ITGA5: variants seen among roughly 807,000 people sequenced by gnomAD.
ITGA5 encodes integrin subunit alpha 5.
ITGA5 carries 55 observed loss-of-function variants against 146.3 expected under a neutral mutation model. That is an observed-to-expected ratio of 0.38 (90% confidence interval 0.30 to 0.47). ITGA5 has a LOEUF of 0.47. Among genes scored for constraint, ITGA5 ranks in the 20% least tolerant of loss-of-function variants. The pLI is 0.99. For missense variants in ITGA5, 1,131 were observed against 1,329.0 expected (o/e 0.85, Z 2.32); for synonymous variants, 500 against 531.8 (o/e 0.94, Z 0.82).
chr12:54,405,094 T>C (rs1271813517), intron 12 of ITGA5, 72 bp downstream of exon 12: 3 of 1,384,178 alleles, frequency 2.2e-6, no homozygotes, highest in Non-Finnish European at 3.0e-6. Flanking sequence ...AGCTGACAGA[T>C]GCCCTCTCCC....
At chr12:54,396,842 C>T (rs1408771543) in intron 29 of ITGA5, among the ~76,000 whole-genome samples, 2 of 152,004 alleles carry the variant, frequency 1.3e-5, no homozygotes. Flanking sequence ...CACCACCAAA[C>T]CTGGCTAATC....
Position 54,399,928 on chromosome 12 carries a change from A to T in ITGA5, c.2663T>A (p.Leu888Gln). ...AGCTTCCCGTTTTTGCTGGTGGTGCAGGGAACCCTCGGGATCCAACTATAA... is the reference window on the plus strand; with the variant it reads ...AGCTTCCCGTTTTTGCTGGTGGTGCTGGGAACCCTCGGGATCCAACTATAA... ...KGLELDPEGSLHHQQKREAPS... is the reference protein window; with the variant it reads ...KGLELDPEGSQHHQQKREAPS... Residue 888 changes from leucine to glutamine, a missense_variant, in exon 26 of 30, where the codon CTG (leucine) becomes CAG (glutamine). By Grantham distance (113) the Leu-to-Gln change is moderately radical. Coordinates refer to ENST00000293379, the MANE Select transcript of ITGA5 (RefSeq NM_002205.5). The T allele has an allele frequency of 6.2e-7, 1 of 1,614,074 alleles. No individual in the cohort carries two copies. Among genetic ancestry groups the T allele is most frequent in the Non-Finnish European group, 8.5e-7 (1 of 1,179,926 alleles).
At chr12:54,397,758 G>C (rs1261025532) in intron 28 of ITGA5, among the ~76,000 whole-genome samples, 1 of 152,200 alleles carries the variant, frequency 6.6e-6, no homozygotes, top group Non-Finnish European at 1.5e-5. Context: ...TCCTGGATCT[G>C]CCTGGATTAG....
intron 9 of ITGA5, 28 bp downstream of exon 9, chr12:54,407,621 G>C (rs751799369): frequency 3.0e-5 from 48 of 1,594,640 alleles, no homozygotes; most frequent in Non-Finnish European, 4.0e-5. Context: ...GGGGAGGAGA[G>C]GAAGTGAGGG....
chr12:54,399,488 G>C (rs1955759327), intron 27 of ITGA5, among the ~76,000 whole-genome samples, 157 bp downstream of exon 27: 1 of 152,150 alleles, frequency 6.6e-6, no homozygotes, highest in African/African-American at 2.4e-5. Context: ...ATGGCGCCAA[G>C]GACATACAGC....
intron 2 of ITGA5, among the ~76,000 whole-genome samples, chr12:54,410,913 G>A (rs1458855136): frequency 6.6e-6 from 1 of 152,146 alleles, no homozygotes; most frequent in Non-Finnish European, 1.5e-5. Flanking sequence ...TTTCAGTAGA[G>A]ACGGGGTTTT....
Position 54,404,200 on chromosome 12 carries a change from C to A in ITGA5, c.1510G>T (p.Ala504Ser). The A allele has an allele frequency of 6.2e-7, 1 of 1,602,058 alleles. No homozygotes were observed. Among genetic ancestry groups the A allele is most frequent in the Non-Finnish European group, 8.5e-7 (1 of 1,174,006 alleles). ...CTCCGCTCCTCTGGGTTGAACATGG[C>A]GGGGAAGATGGTGAGGGAGGCACTA... ...SASASLTIFP[A>S]MFNPEERSCS... The change falls in exon 15 of 30, where the codon GCC (alanine) becomes TCC (serine). Residue 504 changes from alanine to serine, a missense_variant. By Grantham distance (99) the Ala-to-Ser change is moderately conservative. This residue lies in a region of ITGA5 where 889 missense variants were observed against 1,021.5 expected (regional missense o/e 0.87). Coordinates refer to ENST00000293379, the MANE Select transcript of ITGA5 (RefSeq NM_002205.5).
chr12:54,396,216 C>G lies in ITGA5; in HGVS notation c.*77G>C, dbSNP rs1955707492. On this transcript the variant is annotated 3_prime_UTR_variant, in exon 30 of 30. Coordinates refer to ENST00000293379, the MANE Select transcript of ITGA5 (RefSeq NM_002205.5). ...TGGCCGTCAGCACCTTCAAGAAGTA[C>G]CCAGACCCCTCCTTTTCAGTAGAAT... 1.6e-6 allele frequency: 2 copies of G among 1,224,546 alleles called. No individual in the cohort carries two copies. The highest frequency in any genetic ancestry group is 2.4e-6 in the Non-Finnish European group (2 of 832,242). 75.9% of individuals were successfully genotyped at this position (1,224,546 alleles called of 1,614,324 possible).
chr12:54,404,641 A>G (rs1471154793), intron 13 of ITGA5, 62 bp downstream of exon 13: 1 of 1,521,570 alleles, frequency 6.6e-7, no homozygotes, highest in Non-Finnish European at 9.1e-7. Flanking sequence ...GGTGCAGAAG[A>G]GAGAGTAGGG....
intron 1 of ITGA5, among the ~76,000 whole-genome samples, chr12:54,417,776 G>T (rs1479273572): frequency 6.6e-6 from 1 of 152,126 alleles, no homozygotes; most frequent in African/African-American, 2.4e-5. Context: ...AGATGTAGAA[G>T]AAAAAGGATT....
chr12:54,404,796 C>T lies in ITGA5; in HGVS notation c.1324G>A (p.Val442Ile). Residue 442 changes from valine to isoleucine, a missense_variant, in exon 13 of 30, where the codon GTT (valine) becomes ATT (isoleucine). Physicochemically the swap from Val to Ile is conservative, Grantham distance 29. Transcript: ENST00000293379. ...CTGGCTGCCCACAGGGGCTGCAGAACCTGGGAAGGCTTAGAGCCCAGCCCT... is the reference window on the plus strand; with the variant it reads ...CTGGCTGCCCACAGGGGCTGCAGAATCTGGGAAGGCTTAGAGCCCAGCCCT... ...PGGLGSKPSQ[V>I]LQPLWAASHT... The T allele has an allele frequency of 6.2e-7, 1 of 1,614,024 alleles. No individual in the cohort carries two copies. Among genetic ancestry groups the T allele is most frequent in the Non-Finnish European group, 8.5e-7 (1 of 1,179,958 alleles).
chr12:54,404,215 G>T lies in ITGA5; in HGVS notation c.1495C>A (p.Leu499Ile). The T allele has an allele frequency of 6.2e-7, 1 of 1,602,346 alleles. No individual in the cohort carries two copies. The highest frequency in any genetic ancestry group is 1.7e-5 in the Admixed American group (1 of 58,994). ...GRPIVSASAS[L>I]TIFPAMFNPE... ...TTGAACATGGCGGGGAAGATGGTGA[G>T]GGAGGCACTAGCGGACACGATGGGG... The change falls in exon 15 of 30, where the codon CTC (leucine) becomes ATC (isoleucine). Residue 499 changes from leucine to isoleucine, a missense_variant. Leu to Ile is a conservative substitution (Grantham distance 5). Transcript: ENST00000293379.
intron 25 of ITGA5, 82 bp downstream of exon 25, chr12:54,400,764 G>GC (rs1267847941): frequency 7.8e-6 from 11 of 1,405,816 alleles, no homozygotes; most frequent in Non-Finnish European, 9.8e-6. Flanking sequence ...CCTCTTGCAG[G>GC]CCCCCAGCAA....
At chr12:54,414,070 C>T (rs1226721694) in intron 1 of ITGA5, among the ~76,000 whole-genome samples, 1 of 152,166 alleles carries the variant, frequency 6.6e-6, no homozygotes, top group Non-Finnish European at 1.5e-5. Flanking sequence ...TCCGGCTGTG[C>T]GATGGTTCAG....
chr12:54,398,199 C>T (rs1465483890), intron 28 of ITGA5, among the ~76,000 whole-genome samples: 1 of 152,144 alleles, frequency 6.6e-6, no homozygotes, highest in East Asian at 1.9e-4. Flanking sequence ...CGCTCAGCCT[C>T]ATATCTGTTA....
At chr12:54,418,840 G>T in intron 1 of ITGA5, 141 bp downstream of exon 1, 3 of 1,035,456 alleles carry the variant, frequency 2.9e-6, no homozygotes, top group Non-Finnish European at 4.1e-6. Context: ...CCCAACTCTA[G>T]CCAGGGCCCC....
intron 19 of ITGA5, among the ~76,000 whole-genome samples, chr12:54,402,558 C>T (rs994176059): frequency 1.3e-5 from 2 of 151,774 alleles, no homozygotes; most frequent in Admixed American, 6.6e-5. Flanking sequence ...AAAATTAGCC[C>T]GGCATGGTGG....
At chr12:54,408,838 C>T in intron 5 of ITGA5, 37 bp from the exon 6 acceptor site, 1 of 1,613,554 alleles carries the variant, frequency 6.2e-7, no homozygotes, top group South Asian at 1.1e-5. Context: ...CATCTGGTCC[C>T]AATCCCCCCA....
chr12:54,396,970 G>A (rs984954534), intron 29 of ITGA5, among the ~76,000 whole-genome samples: 1 of 152,260 alleles, frequency 6.6e-6, no homozygotes, highest in Non-Finnish European at 1.5e-5. Context: ...ACAGGTGTGA[G>A]CCACCACACC....
Sources: gnomAD v4.1 joint callset for allele counts (sites outside exome capture counted in the v4.1 genomes callset) on GRCh38, gnomAD v4.1.1 for gene constraint, gnomAD v4.1.1 regional missense constraint, MANE v1.5 for transcripts, NCBI Gene and HGNC (gene_info 2026-07-23, HGNC 2026-07-21) for gene names.